Variants in TASP1 observed in about 807,000 individuals in gnomAD.
The protein encoded by TASP1 is taspase 1, also known as threonine aspartase 1.
A neutral mutation model predicts 56.6 loss-of-function variants in TASP1; 16 were observed. The observed-to-expected ratio is 0.28, with a 90% confidence interval of 0.19 to 0.43. TASP1 has a LOEUF of 0.43. Ranked by LOEUF, TASP1 falls within the 20% of genes least tolerant of loss-of-function variation. The probability of loss-of-function intolerance (pLI) is 1.00; values close to 1 mark genes in which losing one functional copy is unlikely to be tolerated. For synonymous variants in TASP1, 179 were observed against 184.2 expected, an observed-to-expected ratio of 0.97 and a Z score of 0.23; for missense variants, 393 against 511.6, an observed-to-expected ratio of 0.77 and a Z score of 2.24.
At chr20:13,637,318 G>GA (rs2049344696) in intron 1 of TASP1, among the ~76,000 whole-genome samples, 1 of 152,134 alleles carries the variant, frequency 6.6e-6, no homozygotes, top group South Asian at 2.1e-4. Context: ...AACCAGTTTG[G>GA]AAAACATTTG....
the TASP1 span, among the ~76,000 whole-genome samples, chr20:13,343,465 CAGA>C: frequency 6.6e-6 from 1 of 152,256 alleles, no homozygotes; most frequent in Non-Finnish European, 1.5e-5. Context: ...ACACCATACC[CAGA>C]CAGAGGGACA....
chr20:13,625,045 C>G, intron 3 of TASP1, 140 bp downstream of exon 3: 1 of 545,222 alleles, frequency 1.8e-6, no homozygotes. Flanking sequence ...AAACGATCCC[C>G]TACAAAAACA....
chr20:13,472,811 C>T (rs1600909977), intron 11 of TASP1, among the ~76,000 whole-genome samples: 2 of 150,912 alleles, frequency 1.3e-5, no homozygotes, highest in Admixed American at 6.6e-5. Flanking sequence ...GTTAGAACAG[C>T]GATCATTAAA....
At chr20:13,473,893 T>C (rs1267078084) in intron 11 of TASP1, among the ~76,000 whole-genome samples, 1 of 152,108 alleles carries the variant, frequency 6.6e-6, no homozygotes, top group Non-Finnish European at 1.5e-5. Flanking sequence ...GGCAACATAG[T>C]GAGACCCTGT....
chr20:13,326,655 C>T, the TASP1 span, among the ~76,000 whole-genome samples: 3 of 152,216 alleles, frequency 2.0e-5, no homozygotes, highest in Non-Finnish European at 1.5e-5. Flanking sequence ...TTCATAAATC[C>T]TTTTTGATGG....
the TASP1 span, among the ~76,000 whole-genome samples, chr20:13,158,292 T>A: frequency 7.2e-5 from 11 of 152,170 alleles, no homozygotes; most frequent in African/African-American, 2.2e-4. Flanking sequence ...AAATTTCCAG[T>A]GCAATCATAT....
At chr20:13,581,890 G>A (rs1418557670) in intron 5 of TASP1, among the ~76,000 whole-genome samples, 2 of 152,098 alleles carry the variant, frequency 1.3e-5, no homozygotes, top group African/African-American at 4.8e-5. Context: ...GGGTTAAGTT[G>A]CCTGCCCATG....
At chr20:13,480,626 C>G (rs762946639) in intron 11 of TASP1, among the ~76,000 whole-genome samples, 1 of 152,086 alleles carries the variant, frequency 6.6e-6, no homozygotes, top group Non-Finnish European at 1.5e-5. Flanking sequence ...TACGAAGCAA[C>G]AGAAAAGAGC....
chr20:13,192,291 ATT>A, the TASP1 span, among the ~76,000 whole-genome samples: 1 of 152,126 alleles, frequency 6.6e-6, no homozygotes, highest in South Asian at 2.1e-4. Flanking sequence ...AATCCCAGCA[ATT>A]TGGGAGGCCA....
the TASP1 span, among the ~76,000 whole-genome samples, chr20:13,248,792 T>C: frequency 6.6e-6 from 1 of 152,128 alleles, no homozygotes; most frequent in East Asian, 1.9e-4. Context: ...GACCTGCCAT[T>C]TGGGGGTGAG....
At chr20:13,525,981 T>C (rs1183018031) in intron 10 of TASP1, among the ~76,000 whole-genome samples, 1 of 152,150 alleles carries the variant, frequency 6.6e-6, no homozygotes, top group Admixed American at 6.5e-5. Context: ...TGAAACTATC[T>C]TCAACTGACA....
chr20:13,575,096 T>C (rs960282131), intron 6 of TASP1, among the ~76,000 whole-genome samples: 3 of 152,086 alleles, frequency 2.0e-5, no homozygotes, highest in Non-Finnish European at 4.4e-5. Context: ...AAGCCAACAA[T>C]ATATAAAAAG....
chr20:13,464,388 G>A (rs1025158957), intron 11 of TASP1, among the ~76,000 whole-genome samples: 1 of 152,118 alleles, frequency 6.6e-6, no homozygotes, highest in Non-Finnish European at 1.5e-5. Context: ...CTGACATCTT[G>A]AACTTGGACT....
the TASP1 span, chr20:13,164,600 C>T: frequency 4.7e-6 from 3 of 633,472 alleles, no homozygotes; most frequent in Admixed American, 8.5e-5. Context: ...AAACCACAAC[C>T]TAATGGTACG....
In TASP1 at chr20:13,457,816, T is replaced by A. The variant is rs34573439; in HGVS notation, c.986-22662A>T. ...ATAAGCTGGAGTAAACACTGAATTA[T>A]CACACTAATTTTAGTGATTCCATAT... On this transcript the variant is annotated intron_variant, in intron 11 of 13. Coordinates refer to ENST00000337743, the MANE Select transcript of TASP1 (RefSeq NM_017714.3). Among the ~76,000 whole-genome samples the A allele has an allele frequency of 4.5e-3, 691 of 152,274 alleles. 3 individuals are homozygous for A. The highest frequency in any genetic ancestry group is 0.012 in the East Asian group (60 of 5,178).
chr20:13,496,954 A>C (rs1418672767), intron 10 of TASP1, among the ~76,000 whole-genome samples: 5 of 152,234 alleles, frequency 3.3e-5, no homozygotes, highest in Non-Finnish European at 2.9e-5. Flanking sequence ...CAGTGGAAAA[A>C]GAATAAATGC....
chr20:13,152,000 T>G, the TASP1 span, among the ~76,000 whole-genome samples: 3 of 152,082 alleles, frequency 2.0e-5, no homozygotes, highest in Admixed American at 6.6e-5. Context: ...AAAAAAGATA[T>G]AATCATAATC....
In TASP1 at chr20:13,435,159, G is replaced by A; in HGVS notation, c.986-5C>T. The A allele has an allele frequency of 6.3e-7, 1 of 1,584,540 alleles. No homozygotes were observed. The highest frequency in any genetic ancestry group is 8.6e-7 in the Non-Finnish European group (1 of 1,163,988). On this transcript the variant is annotated splice_polypyrimidine_tract_variant and splice_region_variant and intron_variant, in intron 11 of 13. Coordinates refer to ENST00000337743, the MANE Select transcript of TASP1 (RefSeq NM_017714.3). ...CACTGGCAAGGAAAGGTGAACCTAG[G>A]CAGAAAGGACTAGTAGTTATTTTTC...
At chr20:13,366,886 T>C in the TASP1 span, among the ~76,000 whole-genome samples, 3 of 150,444 alleles carry the variant, frequency 2.0e-5, no homozygotes, top group Admixed American at 6.6e-5. Context: ...ACACACACAC[T>C]CTCTCTCACA....
Sources: allele counts gnomAD v4.1 joint callset (sites outside exome capture counted in the v4.1 genomes callset), GRCh38; gene constraint gnomAD v4.1.1; transcripts MANE v1.5; gene names NCBI Gene and HGNC (gene_info 2026-07-23, HGNC 2026-07-21).